Variants in MED10 observed in about 807,000 individuals in gnomAD.
MED10 encodes mediator complex subunit 10.
Under a neutral mutation model 17.2 loss-of-function variants are expected in MED10, and 9 were observed. That is an observed-to-expected ratio of 0.52 (90% CI 0.31 to 0.91). MED10 has a LOEUF of 0.91. Ranked by LOEUF, MED10 falls within the 40% of genes least tolerant of loss-of-function variation. MED10 has a pLI of 0.04. For missense variants in MED10, 129 were observed against 164.8 expected, an observed-to-expected ratio of 0.78 and a Z score of 1.19; for synonymous variants, 66 against 59.8, an observed-to-expected ratio of 1.10 and a Z score of -0.48.
chr5:6,375,903 G>A (rs1018886393), intron 2 of MED10, among the ~76,000 whole-genome samples: 8 of 152,086 alleles, frequency 5.3e-5, no homozygotes, highest in African/African-American at 1.7e-4. Flanking sequence ...CACTTCCCTC[G>A]GCCCTTAAGC....
chr5:6,378,302 T>A (rs941865626), intron 1 of MED10, 60 bp downstream of exon 1: 3 of 1,495,752 alleles, frequency 2.0e-6, no homozygotes, highest in Non-Finnish European at 2.7e-6. Context: ...CCCGCTCCCC[T>A]AGCACACGCT....
At chr5:6,378,239 G>C in intron 1 of MED10, 123 bp downstream of exon 1, 1 of 1,354,340 alleles carries the variant, frequency 7.4e-7, no homozygotes. Context: ...GACCAGACCA[G>C]AGGGCTGGCG....
Position 6,377,256 on chromosome 5 carries a change from G to T in MED10, c.123-7C>A. The T allele has an allele frequency of 1.2e-6, 2 of 1,605,676 alleles. No homozygotes were observed. ...GCCAGTAACAATAAAATTCCTGGGG[G>T]AAAGGCAAACACACAGGCATCTGGT... On this transcript the variant is annotated splice_polypyrimidine_tract_variant and splice_region_variant and intron_variant, in intron 1 of 3. Transcript: ENST00000255764.
Position 6,374,847 on chromosome 5 carries a change from G to A in MED10, c.207-421C>T, listed in dbSNP as rs557048797. On this transcript the variant is annotated intron_variant, in intron 2 of 3. Transcript: ENST00000255764. Reference sequence around the variant, plus strand: ...GGGTTCGGGCCTGGGTGACATAGGCGGATCCTTCCACGATGCAGCCTCCAT... The same window carrying A: ...GGGTTCGGGCCTGGGTGACATAGGCAGATCCTTCCACGATGCAGCCTCCAT... 5.4e-5 allele frequency: 9 copies of A among 167,606 alleles called. No individual in the cohort carries two copies. In the South Asian group the frequency reaches 1.2e-3, roughly 23 times the overall value. 10.4% of individuals were successfully genotyped at this position (167,606 alleles called of 1,614,324 possible).
In MED10 at chr5:6,372,178, T is replaced by G. The variant is rs147371490; in HGVS notation, c.*325A>C. ...ATATTAGGTAGAATGTTGTAAAACT[T>G]TTAATTTACCCATCATATTTAACAT... On this transcript the variant is annotated 3_prime_UTR_variant, in exon 4 of 4. Transcript: ENST00000255764. The G allele has an allele frequency of 2.0e-3, 500 of 249,018 alleles. 1 individual carries two copies. The highest frequency in any genetic ancestry group is 0.01 in the African/African-American group (472 of 45,134). 15.4% of individuals were successfully genotyped at this position (249,018 alleles called of 1,614,324 possible).
rs1737902248 is a variant in MED10 at position 6,372,270 on chromosome 5, C to T, written c.*233G>A. On this transcript the variant is annotated 3_prime_UTR_variant, in exon 4 of 4. Transcript: ENST00000255764. The stretch of plus-strand genomic sequence containing the variant: ...AATGATCCCCACAGTGATGAGGGGT[C>T]AGCACTCTGAAAGCCAGTTGACGCC... 3.8e-6 allele frequency: 2 copies of T among 533,114 alleles called. No individual in the cohort carries two copies. Among genetic ancestry groups the T allele is most frequent in the Non-Finnish European group, 6.6e-6 (2 of 300,984 alleles). 33.0% of individuals were successfully genotyped at this position (533,114 alleles called of 1,614,324 possible). A position where few individuals can be genotyped will look rare whatever the true frequency, so the allele number is the denominator to read the frequency against.
chr5:6,378,002 C>A (rs887576518), intron 1 of MED10, among the ~76,000 whole-genome samples: 1 of 152,196 alleles, frequency 6.6e-6, no homozygotes, highest in African/African-American at 2.4e-5. Flanking sequence ...GAGACAGGGA[C>A]TGAATTCCCA....
chr5:6,375,747 G>A lies in MED10; in HGVS notation c.207-1321C>T, dbSNP rs571666893. Among the ~76,000 whole-genome samples, 6 of 152,252 alleles carry A rather than the reference G, an allele frequency of 3.9e-5. No homozygotes were observed. The South Asian group carries it at 1.2e-3, about 32-fold the overall frequency. On this transcript the variant is annotated intron_variant, in intron 2 of 3. Coordinates refer to ENST00000255764, the MANE Select transcript of MED10 (RefSeq NM_032286.3). ...GTATGAAAATGTACACGCTGCAAAG[G>A]CCACTGGGACCTGGAAATTCCTTCT...
chr5:6,376,464 C>T (rs1294874749), intron 2 of MED10, among the ~76,000 whole-genome samples: 1 of 152,174 alleles, frequency 6.6e-6, no homozygotes, highest in African/African-American at 2.4e-5. Flanking sequence ...AGGTAAACAA[C>T]CTATTGCAGT....
intron 3 of MED10, 85 bp from the exon 4 acceptor site, chr5:6,372,686 A>C: frequency 9.1e-7 from 1 of 1,093,296 alleles, no homozygotes; most frequent in Middle Eastern, 2.3e-4. Context: ...AAGTTTAAAC[A>C]CATGGCCCAC....
At chr5:6,378,090 T>G (rs1579255000) in intron 1 of MED10, among the ~76,000 whole-genome samples, 1 of 152,234 alleles carries the variant, frequency 6.6e-6, no homozygotes, top group Admixed American at 6.5e-5. Flanking sequence ...CATGATTCCC[T>G]TGATAGGGAA....
At chr5:6,376,503 CAG>C (rs1737992277) in intron 2 of MED10, among the ~76,000 whole-genome samples, 1 of 152,178 alleles carries the variant, frequency 6.6e-6, no homozygotes, top group Non-Finnish European at 1.5e-5. Flanking sequence ...TGTGTGAAAT[CAG>C]AGATGTGACC....
chr5:6,372,807 TCACCACCAG>T (rs1381603451), intron 3 of MED10, among the ~76,000 whole-genome samples: 2 of 152,130 alleles, frequency 1.3e-5, no homozygotes, highest in Non-Finnish European at 2.9e-5. Context: ...GCCCCGGACG[TCACCACCAG>T]CAGCACAGTT....
intron 3 of MED10, among the ~76,000 whole-genome samples, chr5:6,373,187 T>C (rs1737922613): frequency 6.6e-6 from 1 of 152,148 alleles, no homozygotes; most frequent in Admixed American, 6.5e-5. Flanking sequence ...GTGACCTGCC[T>C]GTGACTAGGC....
At chr5:6,373,591 A>G (rs149753804) in intron 3 of MED10, among the ~76,000 whole-genome samples, 725 of 152,244 alleles carry the variant, frequency 4.8e-3, no homozygotes, top group Non-Finnish European at 7.3e-3. Context: ...CACGAACGAA[A>G]GGGTTGGATG....
At chr5:6,374,745 T>G (rs1737958200) in intron 2 of MED10, 1 of 257,302 alleles carries the variant, frequency 3.9e-6, no homozygotes, top group Admixed American at 4.7e-5. Flanking sequence ...TCATGCTATT[T>G]ATTACCTTTT....
Position 6,372,460 on chromosome 5 carries a change from C to A in MED10, c.*43G>T, listed in dbSNP as rs1737907206. ...CACTCGCAGTCCCAGCCTCACGCCG[C>A]ATCGCAGTCCCAGGGGATCTTCACA... On this transcript the variant is annotated 3_prime_UTR_variant, in exon 4 of 4. Coordinates refer to ENST00000255764, the MANE Select transcript of MED10 (RefSeq NM_032286.3). 2 of 1,552,606 alleles carry A rather than the reference C, an allele frequency of 1.3e-6. No homozygotes were observed. Among genetic ancestry groups the A allele is most frequent in the Non-Finnish European group, 8.9e-7 (1 of 1,124,430 alleles).
At chr5:6,375,969 T>G (rs1418672230) in intron 2 of MED10, among the ~76,000 whole-genome samples, 1 of 152,206 alleles carries the variant, frequency 6.6e-6, no homozygotes, top group Non-Finnish European at 1.5e-5. Context: ...AGTAGTTACT[T>G]GCCACTTGTC....
chr5:6,377,110 C>T, intron 2 of MED10, 56 bp downstream of exon 2: 1 of 1,230,888 alleles, frequency 8.1e-7, no homozygotes, highest in Non-Finnish European at 1.2e-6. Flanking sequence ...GTCACGATAC[C>T]ACACCATAAC....
Sources: allele counts gnomAD v4.1 joint callset (sites outside exome capture counted in the v4.1 genomes callset), GRCh38; gene constraint gnomAD v4.1.1; transcripts MANE v1.5; gene names NCBI Gene and HGNC (gene_info 2026-07-23, HGNC 2026-07-21).